Variants in ABCC4 observed in about 807,000 individuals in gnomAD.
ABCC4 encodes the protein ATP-binding cassette sub-family C member 4.
ABCC4 carries 102 observed loss-of-function variants against 168.5 expected under a neutral mutation model. That is an observed-to-expected ratio of 0.61 (90% CI 0.52 to 0.71). The LOEUF (loss-of-function observed/expected upper bound fraction) is 0.71, where lower values mean the gene tolerates loss of function less well. ABCC4 is among the 30% of genes least tolerant of loss of function. The pLI is 0.00. For synonymous variants in ABCC4, 617 were observed against 590.7 expected, an observed-to-expected ratio of 1.04 and a Z score of -0.65; for missense variants, 1,402 against 1,605.8, an observed-to-expected ratio of 0.87 and a Z score of 2.17.
intron 19 of ABCC4, among the ~76,000 whole-genome samples, chr13:95,133,326 C>T (rs2036038983): frequency 6.6e-6 from 1 of 152,032 alleles, no homozygotes; most frequent in South Asian, 2.1e-4. Flanking sequence ...GTTGGCCAGG[C>T]TGGTCTCAAA....
intron 5 of ABCC4, among the ~76,000 whole-genome samples, chr13:95,209,848 G>T (rs1338595343): frequency 2.0e-5 from 3 of 152,238 alleles, no homozygotes; most frequent in African/African-American, 7.2e-5. Context: ...TCTTGATCGT[G>T]ACTATCTTCA....
chr13:95,128,980 C>T (rs1226738148), intron 19 of ABCC4, among the ~76,000 whole-genome samples: 5 of 152,006 alleles, frequency 3.3e-5, no homozygotes, highest in Middle Eastern at 3.2e-3. Context: ...TATTGCTGTG[C>T]GTTTTTGCCT....
Position 95,034,470 on chromosome 13 carries a change from A to T in ABCC4, c.3870+135T>A, listed in dbSNP as rs958966083. The T allele has an allele frequency of 8.4e-6, 11 of 1,301,790 alleles. No individual in the cohort carries two copies. In the African/African-American group the frequency reaches 1.0e-4, roughly 12 times the overall value. The allele number at this position is 1,301,790 out of a possible 1,614,324, so 80.6% of individuals were successfully genotyped here. A position where few individuals can be genotyped will look rare whatever the true frequency, so the allele number is the denominator to read the frequency against. ...AACCCGGGACGTGCCGTTAAGACCCACTCATGAAGCTTTGTCTCTGCAGGC... is the reference window on the plus strand; with the variant it reads ...AACCCGGGACGTGCCGTTAAGACCCTCTCATGAAGCTTTGTCTCTGCAGGC... On this transcript the variant is annotated intron_variant, in intron 30 of 30. Coordinates refer to ENST00000645237, the MANE Select transcript of ABCC4 (RefSeq NM_005845.5).
chr13:95,221,107 G>A (rs780659961), intron 4 of ABCC4, among the ~76,000 whole-genome samples: 2 of 152,176 alleles, frequency 1.3e-5, no homozygotes, highest in Non-Finnish European at 2.9e-5. Flanking sequence ...GATAAATATG[G>A]TATGATCCCA....
intron 9 of ABCC4, 81 bp from the exon 10 acceptor site, chr13:95,188,623 C>A (rs1272196531): frequency 2.6e-6 from 3 of 1,145,312 alleles, no homozygotes; most frequent in Non-Finnish European, 3.8e-6. Context: ...AACAATACAA[C>A]AGTCATTGAT....
chr13:95,125,542 T>A (rs1566442175), intron 19 of ABCC4, among the ~76,000 whole-genome samples: 2 of 152,100 alleles, frequency 1.3e-5, no homozygotes, highest in Non-Finnish European at 2.9e-5. Flanking sequence ...AATGAATGAA[T>A]GAATGAATGA....
intron 19 of ABCC4, among the ~76,000 whole-genome samples, chr13:95,122,995 CAT>C (rs778574499): frequency 5.3e-5 from 8 of 152,196 alleles, no homozygotes; most frequent in Non-Finnish European, 1.2e-4. Context: ...GGTTTTATTA[CAT>C]GACATGACAA....
chr13:95,080,894 A>T (rs538133333), intron 21 of ABCC4, among the ~76,000 whole-genome samples: 1 of 152,280 alleles, frequency 6.6e-6, no homozygotes, highest in Non-Finnish European at 1.5e-5. Context: ...CCTCCCTGCC[A>T]CGGCAGTCAG....
chr13:95,134,875 T>C (rs1001160072), intron 19 of ABCC4, among the ~76,000 whole-genome samples: 6 of 151,986 alleles, frequency 3.9e-5, no homozygotes, highest in Non-Finnish European at 8.8e-5. Flanking sequence ...ACCCAGGAGC[T>C]TGGGGCCTCA....
chr13:95,280,977 G>A (rs2138915432), intron 1 of ABCC4, among the ~76,000 whole-genome samples: 1 of 152,142 alleles, frequency 6.6e-6, no homozygotes, highest in East Asian at 1.9e-4. Flanking sequence ...GAAGGAAGAG[G>A]ATTTTGAGTT....
At chr13:95,096,259 A>G in intron 20 of ABCC4, 1 of 504,822 alleles carries the variant, frequency 2.0e-6, no homozygotes, top group Non-Finnish European at 3.5e-6. Context: ...CCCTAAAGAC[A>G]GAGCAATACA....
intron 19 of ABCC4, among the ~76,000 whole-genome samples, chr13:95,116,285 G>C: frequency 6.6e-6 from 1 of 152,138 alleles, no homozygotes; most frequent in East Asian, 1.9e-4. Flanking sequence ...GGGTTGGTGG[G>C]TTCTAGAATG....
At chr13:95,060,879 T>C (rs767690007) in intron 26 of ABCC4, among the ~76,000 whole-genome samples, 1 of 152,180 alleles carries the variant, frequency 6.6e-6, no homozygotes, top group Non-Finnish European at 1.5e-5. Context: ...TGAAGTCCTA[T>C]GTGAAATAAT....
intron 21 of ABCC4, among the ~76,000 whole-genome samples, chr13:95,082,319 G>A (rs955353063): frequency 5.9e-5 from 9 of 152,178 alleles, no homozygotes; most frequent in African/African-American, 2.2e-4. Context: ...TGCATAATGA[G>A]ATGAACTCTG....
chr13:95,116,142 GT>G (rs1397002231), intron 19 of ABCC4, 141 bp from the exon 20 acceptor site: 2 of 518,176 alleles, frequency 3.9e-6, no homozygotes, highest in Non-Finnish European at 3.2e-6. Context: ...GATGTCAGTG[GT>G]AAAGAAAAAG....
At position 95,043,736 on chromosome 13, in the gene ABCC4, G is replaced by A. The variant is rs775645310; in HGVS notation, c.3681C>T (p.Thr1227=). The A allele has an allele frequency of 6.8e-6, 11 of 1,613,748 alleles. 1 individual carries two copies. The highest frequency in any genetic ancestry group is 2.7e-5 in the African/African-American group (2 of 74,872). ...KKIREKFAHC[T]VLTIAHRLNT... The stretch of plus-strand genomic sequence containing the variant: ...TCAATCTGTGTGCAATGGTTAGCAC[G>A]GTGCAGTGGGCAAATTTCTCCCGGA... The change falls in exon 29 of 31, where the codon ACC becomes ACT. Residue 1227 remains threonine (T), a synonymous_variant. Transcript: ENST00000645237.
chr13:95,052,268 G>A (rs944035351), intron 27 of ABCC4, among the ~76,000 whole-genome samples: 2 of 152,108 alleles, frequency 1.3e-5, no homozygotes, highest in Non-Finnish European at 2.9e-5. Flanking sequence ...GGCATCAACC[G>A]CTGCACCCAG....
intron 15 of ABCC4, among the ~76,000 whole-genome samples, chr13:95,164,922 C>T (rs572356961): frequency 2.6e-4 from 40 of 152,134 alleles, no homozygotes; most frequent in Non-Finnish European, 4.9e-4. Context: ...ATCTGGAACT[C>T]CTGACCTCAG....
At chr13:95,204,650 T>C (rs1489426307) in intron 8 of ABCC4, among the ~76,000 whole-genome samples, 1 of 152,168 alleles carries the variant, frequency 6.6e-6, no homozygotes, top group Non-Finnish European at 1.5e-5. Context: ...CAATATAAAT[T>C]GCCCAGTCTC....
Sources: allele counts gnomAD v4.1 joint callset (sites outside exome capture counted in the v4.1 genomes callset), GRCh38; gene constraint gnomAD v4.1.1; transcripts MANE v1.5; gene names NCBI Gene and HGNC (gene_info 2026-07-23, HGNC 2026-07-21).